The following PCDHA8 variants were observed in gnomAD, a reference collection of about 807,000 sequenced individuals.
PCDHA8 encodes protocadherin alpha-8.
Under a neutral mutation model 61.8 loss-of-function variants are expected in PCDHA8, and 53 were observed. The ratio of observed to expected loss-of-function variants is 0.86; its 90% CI spans 0.69 to 1.08. PCDHA8 has a LOEUF of 1.08. Among genes scored for constraint, PCDHA8 ranks in the 50% least tolerant of loss-of-function variants. PCDHA8 has a pLI of 0.00. For missense variants in PCDHA8, 1,293 were observed against 1,245.0 expected, an observed-to-expected ratio of 1.04 and a Z score of -0.58; for synonymous variants, 618 against 556.6, an observed-to-expected ratio of 1.11 and a Z score of -1.55.
rs782451974 is a variant in PCDHA8, at chr5:141,009,822, T to A, written c.2738T>A (p.Phe913Tyr). 6.2e-7 allele frequency: 1 copy of A among 1,613,720 alleles called. No individual in the cohort carries two copies. The highest frequency in any genetic ancestry group is 2.2e-5 in the East Asian group (1 of 44,866). Residue 913 changes from phenylalanine (F) to tyrosine (Y), a missense_variant, in exon 4 of 4, where the codon TTC (phenylalanine) becomes TAC (tyrosine). Physicochemically the swap from Phe to Tyr is conservative, Grantham distance 22. Transcript: ENST00000531613. ...AACAGCCAAATTGACAAAAGTGACTTCATAACCTTCGGCAAAAAGGAGGAG... is the reference window on the plus strand; with the variant it reads ...AACAGCCAAATTGACAAAAGTGACTACATAACCTTCGGCAAAAAGGAGGAG... ...PTNSQIDKSDFITFGKKEETK... is the reference protein window; with the variant it reads ...PTNSQIDKSDYITFGKKEETK...
intron 1 of PCDHA8, among the ~76,000 whole-genome samples, chr5:140,964,379 C>T (rs2095828218): frequency 6.6e-6 from 1 of 152,130 alleles, no homozygotes; most frequent in Non-Finnish European, 1.5e-5. Flanking sequence ...AAAGGAGAGT[C>T]CTGGTTTTTC....
intron 1 of PCDHA8, chr5:140,969,265 A>T: frequency 1.9e-6 from 3 of 1,614,250 alleles, no homozygotes; most frequent in Non-Finnish European, 2.5e-6. Flanking sequence ...GGAATCTCAC[A>T]GGCCAAAGTG....
intron 1 of PCDHA8, chr5:140,967,835 G>T: frequency 6.2e-7 from 1 of 1,614,142 alleles, no homozygotes; most frequent in Non-Finnish European, 8.5e-7. Flanking sequence ...GGACATCGTG[G>T]ACGTGAATGA....
At chr5:140,993,464 A>T (rs1309811031) in intron 3 of PCDHA8, among the ~76,000 whole-genome samples, 11 of 28,960 alleles carry the variant, frequency 3.8e-4, no homozygotes, top group South Asian at 2.7e-3. Flanking sequence ...TTTCTTTCTC[A>T]CACACACACA....
rs782691695 is a variant in PCDHA8, at chr5:140,863,160, G to C, written c.2394+19445G>C. The C allele has an allele frequency of 6.2e-6, 4 of 647,644 alleles. No individual in the cohort carries two copies. The Admixed American group carries it at 7.5e-5, about 12-fold the overall frequency. 40.1% of individuals were successfully genotyped at this position (647,644 alleles called of 1,614,324 possible). A position where few individuals can be genotyped will look rare whatever the true frequency, so the allele number is the denominator to read the frequency against. ...TGGTGCTGGTGAAGGACCACTGCGA[G>C]CTGGCGCTGACTGCCACCGTCACCG... On this transcript the variant is annotated intron_variant, in intron 1 of 3. Transcript: ENST00000531613.
chr5:140,977,067 A>G (rs2096744217), intron 1 of PCDHA8, among the ~76,000 whole-genome samples: 1 of 152,250 alleles, frequency 6.6e-6, no homozygotes, highest in South Asian at 2.1e-4. Context: ...TATAGAAAAT[A>G]GCAGCATGAC....
intron 1 of PCDHA8, among the ~76,000 whole-genome samples, chr5:140,937,096 G>A (rs1173485186): frequency 6.8e-6 from 1 of 146,810 alleles, no homozygotes; most frequent in Non-Finnish European, 1.5e-5. Context: ...GGAGTGCAGT[G>A]GCGCAGTCTC....
intron 1 of PCDHA8, chr5:140,858,279 G>A: frequency 2.5e-6 from 4 of 1,597,396 alleles, no homozygotes; most frequent in South Asian, 1.1e-5. Flanking sequence ...AGCGCGGTGG[G>A]GAGCTGGTCT....
Position 140,982,613 on chromosome 5 carries a change from A to G in PCDHA8, c.2542+50A>G, listed in dbSNP as rs201150239. ...CTTTCTTGGTTTCTGGAAAGTGATC[A>G]GATGACCTACTTTTGTAAGATCAGG... On this transcript the variant is annotated intron_variant, in intron 3 of 3. Transcript: ENST00000531613. 2.7e-5 allele frequency: 43 copies of G among 1,599,298 alleles called. No individual in the cohort carries two copies. The Admixed American group carries it at 7.0e-4, about 26-fold the overall frequency.
chr5:140,843,647 C>T lies in PCDHA8; in HGVS notation c.2326C>T (p.Leu776Phe), dbSNP rs2150364514. 10 of 1,595,364 alleles carry T rather than the reference C, an allele frequency of 6.3e-6. No individual in the cohort carries two copies. The African/African-American group carries it at 1.3e-4, about 21-fold the overall frequency. The change falls in exon 1 of 4, where the codon CTT becomes TTT. Residue 776 changes from leucine to phenylalanine, a missense_variant. Leu to Phe is a conservative substitution (Grantham distance 22). Coordinates refer to ENST00000531613, the MANE Select transcript of PCDHA8 (RefSeq NM_018911.3). ...KTDLMAFSPC[L>F]PPDLGSVDVG... Reference sequence around the variant, plus strand: ...GGACCTCATGGCCTTCAGCCCCTGCCTTCCTCCTGATCTGGGATCAGTTGA... The same window carrying T: ...GGACCTCATGGCCTTCAGCCCCTGCTTTCCTCCTGATCTGGGATCAGTTGA...
Position 140,850,161 on chromosome 5 carries a change from C to T in PCDHA8, c.2394+6446C>T, listed in dbSNP as rs2150470387. On this transcript the variant is annotated intron_variant, in intron 1 of 3. Coordinates refer to ENST00000531613, the MANE Select transcript of PCDHA8 (RefSeq NM_018911.3). ...CAACGTGACGCTGCAGGTGTTCGTG[C>T]TGGACGAGAACGACAATGCGCCGGC... 20 of 1,594,886 alleles carry T rather than the reference C, an allele frequency of 1.3e-5. 1 individual carries two copies. Among genetic ancestry groups the T allele is most frequent in the Non-Finnish European group, 1.7e-5 (20 of 1,167,810 alleles).
At chr5:140,870,014 A>G (rs782103858) in intron 1 of PCDHA8, 3 of 1,613,612 alleles carry the variant, frequency 1.9e-6, no homozygotes, top group Non-Finnish European at 2.5e-6. Flanking sequence ...GTGAGGGTCA[A>G]TGGAACTTTA....
In PCDHA8 at chr5:140,846,477, T is replaced by C. The variant is rs1780501842; in HGVS notation, c.2394+2762T>C. ...GCAACCTCTGCCTCCCGGGTTCAAA[T>C]GATTCTCCTTCCTCAGCCTCCCAAG... is the stretch of plus-strand genomic sequence containing the variant. On this transcript the variant is annotated intron_variant, in intron 1 of 3. Coordinates refer to ENST00000531613, the MANE Select transcript of PCDHA8 (RefSeq NM_018911.3). Among the ~76,000 whole-genome samples the C allele has an allele frequency of 1.4e-5, 2 of 143,268 alleles. 1 individual carries two copies. Among genetic ancestry groups the C allele is most frequent in the Non-Finnish European group, 3.1e-5 (2 of 65,332 alleles). 94.0% of individuals were successfully genotyped at this position (143,268 alleles called of 152,430 possible).
At chr5:140,943,592 T>C (rs900549060) in intron 1 of PCDHA8, among the ~76,000 whole-genome samples, 2 of 152,152 alleles carry the variant, frequency 1.3e-5, no homozygotes, top group African/African-American at 2.4e-5. Flanking sequence ...TGGGGCTGAA[T>C]TCTAAATATA....
At chr5:140,946,894 T>C (rs1368559322) in intron 1 of PCDHA8, among the ~76,000 whole-genome samples, 1 of 151,402 alleles carries the variant, frequency 6.6e-6, no homozygotes, top group Non-Finnish European at 1.5e-5. Context: ...TACAATTAGA[T>C]AGGAAGAATA....
Position 140,848,043 on chromosome 5 carries a change from A to C in PCDHA8, c.2394+4328A>C, listed in dbSNP as rs115415885. On this transcript the variant is annotated intron_variant, in intron 1 of 3. Transcript: ENST00000531613. Reference sequence around the variant, plus strand: ...AAATTCGTGATTGCTCAATGGAATCATTTTAATTGTTACTTCATTTCTGTC... The same window carrying C: ...AAATTCGTGATTGCTCAATGGAATCCTTTTAATTGTTACTTCATTTCTGTC... 2.3e-3 allele frequency: 368 copies of C among 160,610 alleles called. 14 individuals carry two copies. Among genetic ancestry groups the C allele is most frequent in the African/African-American group, 8.0e-3 (330 of 41,090 alleles). 9.9% of individuals were successfully genotyped at this position (160,610 alleles called of 1,614,324 possible). A position where few individuals can be genotyped will look rare whatever the true frequency, so the allele number is the denominator to read the frequency against.
chr5:140,933,130 AAGGTAGAT>A (rs1554209200), intron 1 of PCDHA8, among the ~76,000 whole-genome samples: 1 of 151,994 alleles, frequency 6.6e-6, no homozygotes, highest in East Asian at 1.9e-4. Context: ...CTAAATAATA[AAGGTAGAT>A]AGCCACTCAT....
At chr5:140,881,358 T>A in intron 1 of PCDHA8, 1 of 985,286 alleles carries the variant, frequency 1.0e-6, no homozygotes, top group Non-Finnish European at 1.2e-6. Flanking sequence ...AATGCGTGGC[T>A]TTCGTATGAA....
At chr5:140,861,707 G>T (rs1181948705) in intron 1 of PCDHA8, 1 of 218,782 alleles carries the variant, frequency 4.6e-6, no homozygotes, top group African/African-American at 2.3e-5. Context: ...TGATGCCGAC[G>T]TCGGGGCCAA....
Sources: gnomAD v4.1 joint callset for allele counts (sites outside exome capture counted in the v4.1 genomes callset) on GRCh38, gnomAD v4.1.1 for gene constraint, MANE v1.5 for transcripts, NCBI Gene and HGNC (gene_info 2026-07-23, HGNC 2026-07-21) for gene names.